The following KAZN variants were observed in gnomAD, a reference collection of about 807,000 sequenced individuals.
KAZN encodes kazrin, periplakin interacting protein.
In KAZN, 40 loss-of-function variants were observed where a neutral mutation model predicts 87.4. That is an observed-to-expected ratio of 0.46 (90% confidence interval 0.36 to 0.60). The LOEUF (loss-of-function observed/expected upper bound fraction) is 0.60. Among genes scored for constraint, KAZN ranks in the 20% least tolerant of loss-of-function variants. KAZN has a pLI of 0.00. For synonymous variants in KAZN, 466 were observed against 458.3 expected (o/e 1.02, Z -0.22); for missense variants, 898 against 1,073.9 (o/e 0.84, Z 2.29).
intron 2 of KAZN, among the ~76,000 whole-genome samples, chr1:14,288,214 C>A (rs1653407510): frequency 6.6e-6 from 1 of 152,130 alleles, no homozygotes; most frequent in Middle Eastern, 3.2e-3. Flanking sequence ...AGGGAGGATT[C>A]CCTCTTTTTC....
intron 5 of KAZN, 90 bp from the exon 6 acceptor site, chr1:15,060,082 A>G: frequency 6.5e-7 from 1 of 1,527,874 alleles, no homozygotes; most frequent in Non-Finnish European, 8.9e-7. Context: ...CCATCTGTAG[A>G]ACGGGGGTGT....
At chr1:14,219,993 T>A (rs867786689) in intron 2 of KAZN, among the ~76,000 whole-genome samples, 1 of 152,204 alleles carries the variant, frequency 6.6e-6, no homozygotes, top group African/African-American at 2.4e-5. Flanking sequence ...TTCATTATTG[T>A]TGAGTATTGC....
intron 1 of KAZN, among the ~76,000 whole-genome samples, chr1:14,866,804 A>G (rs1052155063): frequency 6.6e-6 from 1 of 152,208 alleles, no homozygotes; most frequent in Non-Finnish European, 1.5e-5. Context: ...AGGTCCTTCC[A>G]GCCCTTCCAA....
intron 1 of KAZN, among the ~76,000 whole-genome samples, chr1:14,951,249 A>G (rs1410587663): frequency 2.7e-5 from 4 of 150,484 alleles, no homozygotes; most frequent in Non-Finnish European, 5.9e-5. Context: ...AAAGACTCCC[A>G]TCCCCTCTGC....
chr1:14,761,307 A>T (rs1644732861), intron 1 of KAZN, among the ~76,000 whole-genome samples: 1 of 152,154 alleles, frequency 6.6e-6, no homozygotes, highest in East Asian at 1.9e-4. Flanking sequence ...TCAAAGAGGC[A>T]TTCAAGAGCC....
chr1:14,864,066 T>C (rs1322044528), intron 1 of KAZN, among the ~76,000 whole-genome samples: 1 of 152,116 alleles, frequency 6.6e-6, no homozygotes, highest in Non-Finnish European at 1.5e-5. Flanking sequence ...AAAAATCAGC[T>C]CGACTCAGTG....
intron 2 of KAZN, among the ~76,000 whole-genome samples, chr1:15,002,263 C>T (rs59746444): frequency 0.1 from 15,321 of 152,214 alleles, 856 homozygotes; most frequent in South Asian, 0.18. Flanking sequence ...CTGATACTCC[C>T]TGTGGAGGGC....
intron 8 of KAZN, among the ~76,000 whole-genome samples, chr1:15,083,949 A>T (rs1385367812): frequency 6.6e-6 from 1 of 152,166 alleles, no homozygotes; most frequent in Non-Finnish European, 1.5e-5. Context: ...GAGCTCCCAC[A>T]CTAGCCTGCT....
In KAZN at chr1:15,066,273, G is replaced by A. The variant is rs1229021262; in HGVS notation, c.1222+520G>A. On this transcript the variant is annotated intron_variant, in intron 8 of 14. Coordinates refer to ENST00000376030, the MANE Select transcript of KAZN (RefSeq NM_201628.3). This position sits in a 1 kb window ranked among gnomAD's most constrained non-coding sequence, Gnocchi z 4.3. Reference sequence around the variant, plus strand: ...CACTCTGTGCTTGTAAATGTCCCTCGTCCAAACCGCTACTCCTGGAGCCCG... The same window carrying A: ...CACTCTGTGCTTGTAAATGTCCCTCATCCAAACCGCTACTCCTGGAGCCCG... 1.8e-5 allele frequency: 18 copies of A among 985,342 alleles called. No individual in the cohort carries two copies. The highest frequency in any genetic ancestry group is 1.1e-4 in the African/African-American group (6 of 57,096). The allele number at this position is 985,342 out of a possible 1,614,324, so 61.0% of individuals were successfully genotyped here. A position where few individuals can be genotyped will look rare whatever the true frequency, so the allele number is the denominator to read the frequency against.
In KAZN at chr1:15,017,374, A is replaced by G. The variant is rs147274945; in HGVS notation, c.419-17375A>G. ...CAGTGCCTGAGCAAGTTTTTGTTGA[A>G]TAAACATAAACCCTTCTATTAATAA... On this transcript the variant is annotated intron_variant, in intron 2 of 14. Coordinates refer to ENST00000376030, the MANE Select transcript of KAZN (RefSeq NM_201628.3). 3.0e-3 allele frequency among the ~76,000 whole-genome samples: 464 copies of G among 152,364 alleles called. 2 individuals carry two copies. The highest frequency in any genetic ancestry group is 0.017 in the Middle Eastern group (5 of 294).
At chr1:14,532,241 C>T (rs1672244466) in intron 2 of KAZN, among the ~76,000 whole-genome samples, 1 of 152,078 alleles carries the variant, frequency 6.6e-6, no homozygotes, top group Admixed American at 6.6e-5. Flanking sequence ...CATCCACCCC[C>T]TCCAAAGCCC....
chr1:14,148,638 G>C (rs1407541346), intron 1 of KAZN, among the ~76,000 whole-genome samples: 1 of 152,000 alleles, frequency 6.6e-6, no homozygotes, highest in Non-Finnish European at 1.5e-5. Context: ...TGTTTCTTTT[G>C]TGTTTGAGAC....
At chr1:14,963,086 C>G (rs1026895881) in intron 2 of KAZN, among the ~76,000 whole-genome samples, 3 of 150,754 alleles carry the variant, frequency 2.0e-5, no homozygotes, top group Non-Finnish European at 4.5e-5. Flanking sequence ...CTCCCTTTAG[C>G]CCACAAGGCA....
At chr1:14,437,103 A>G (rs1666440326) in intron 2 of KAZN, among the ~76,000 whole-genome samples, 1 of 152,172 alleles carries the variant, frequency 6.6e-6, no homozygotes, top group Non-Finnish European at 1.5e-5. Context: ...AAAACACTGA[A>G]GTTCCCTTGA....
chr1:14,474,362 C>T (rs888889314), intron 2 of KAZN, among the ~76,000 whole-genome samples: 5 of 152,022 alleles, frequency 3.3e-5, no homozygotes, highest in Middle Eastern at 3.4e-3. Flanking sequence ...GTTCTACTTT[C>T]GTTGAAGTTA....
At chr1:14,728,054 G>T (rs1261653051) in intron 1 of KAZN, among the ~76,000 whole-genome samples, 2 of 151,844 alleles carry the variant, frequency 1.3e-5, no homozygotes, top group Admixed American at 1.3e-4. Context: ...GGGAGGCCGA[G>T]ACGGGCGGAT....
intron 1 of KAZN, among the ~76,000 whole-genome samples, chr1:14,848,056 C>T (rs2100965732): frequency 6.6e-6 from 1 of 152,316 alleles, no homozygotes; most frequent in Middle Eastern, 3.4e-3. Context: ...AAATGAATGT[C>T]ACATACGCAT....
At chr1:13,915,355 C>T (rs941863354) in intron 1 of KAZN, among the ~76,000 whole-genome samples, 1 of 152,168 alleles carries the variant, frequency 6.6e-6, no homozygotes, top group Non-Finnish European at 1.5e-5. Flanking sequence ...TTGAAGCTGA[C>T]AAAAATGTTT....
At chr1:15,076,377 C>G (rs920175344) in intron 8 of KAZN, among the ~76,000 whole-genome samples, 1 of 152,232 alleles carries the variant, frequency 6.6e-6, no homozygotes, top group Non-Finnish European at 1.5e-5. Flanking sequence ...GGAAAGGCCT[C>G]GGCTTCGGAG....
Sources: gnomAD v4.1 joint callset for allele counts (sites outside exome capture counted in the v4.1 genomes callset) on GRCh38, gnomAD v4.1.1 for gene constraint, Gnocchi (gnomAD v3.1) non-coding constraint, MANE v1.5 for transcripts, NCBI Gene and HGNC (gene_info 2026-07-23, HGNC 2026-07-21) for gene names.